The following MPP2 variants were observed in gnomAD, a reference collection of about 807,000 sequenced individuals.
MPP2 encodes the protein MAGUK p55 scaffold protein 2, also known as MAGUK p55 subfamily member 2.
MPP2 carries 42 observed loss-of-function variants against 58.5 expected under a neutral mutation model. The observed-to-expected ratio is 0.72, with a 90% confidence interval of 0.56 to 0.93. MPP2 has a LOEUF of 0.93. Among genes scored for constraint, MPP2 ranks in the 40% least tolerant of loss-of-function variants. MPP2 has a pLI of 0.00. For synonymous variants in MPP2, 300 were observed against 307.8 expected (o/e 0.97, Z 0.26); for missense variants, 632 against 760.4 (o/e 0.83, Z 1.99).
intron 1 of MPP2, among the ~76,000 whole-genome samples, chr17:43,904,986 G>A (rs1250293927): frequency 6.6e-6 from 1 of 151,900 alleles, no homozygotes; most frequent in African/African-American, 2.4e-5. Flanking sequence ...GACCCACCTG[G>A]GCAACATGGC....
chr17:43,880,986 G>A lies in MPP2; in HGVS notation c.988+104C>T. 1 of 1,525,024 alleles carries A rather than the reference G, an allele frequency of 6.6e-7. No individual in the cohort carries two copies. Among genetic ancestry groups the A allele is most frequent in the Non-Finnish European group, 9.0e-7 (1 of 1,108,058 alleles). The allele number at this position is 1,525,024 out of a possible 1,614,324, so 94.5% of individuals were successfully genotyped here. On this transcript the variant is annotated intron_variant, in intron 9 of 12. Coordinates refer to ENST00000269095, the MANE Select transcript of MPP2 (RefSeq NM_005374.5). This position sits in a 1 kb window ranked among gnomAD's most constrained non-coding sequence, Gnocchi z 5.2. The stretch of plus-strand genomic sequence containing the variant: ...TCGGGCAGGGCCTAGGGACACGGCT[G>A]GCAGCATCTGAGCCAGGCACACGTC...
chr17:43,896,096 C>G (rs1410242699), intron 3 of MPP2, among the ~76,000 whole-genome samples: 1 of 152,146 alleles, frequency 6.6e-6, no homozygotes, highest in East Asian at 1.9e-4. Flanking sequence ...CATAGCCAGC[C>G]TGTGACAGAG....
Position 43,899,662 on chromosome 17 carries a change from G to A in MPP2, c.32-1282C>T, listed in dbSNP as rs116285424. On this transcript the variant is annotated intron_variant, in intron 2 of 12. Transcript: ENST00000269095. ...GGAGCTAGGGAAACAGGCACTGGAGGCCTTGGTGTGACCCAAAGGCTGAGG... is the reference window on the plus strand; with the variant it reads ...GGAGCTAGGGAAACAGGCACTGGAGACCTTGGTGTGACCCAAAGGCTGAGG... Among the ~76,000 whole-genome samples, 1,439 of 152,246 alleles carry A rather than the reference G, an allele frequency of 9.5e-3. 27 individuals are homozygous for A. Among genetic ancestry groups the A allele is most frequent in the African/African-American group, 0.033 (1,351 of 41,544 alleles).
chr17:43,907,918 C>G (rs2048356419), upstream of MPP2: 1 of 985,284 alleles, frequency 1.0e-6, no homozygotes, highest in African/African-American at 1.7e-5. Flanking sequence ...TCCTCGTTAT[C>G]CTGCTTCCAT....
chr17:43,892,232 G>A (rs760339320), intron 3 of MPP2, among the ~76,000 whole-genome samples: 2 of 152,228 alleles, frequency 1.3e-5, no homozygotes, highest in Admixed American at 6.5e-5. Flanking sequence ...TCCCCAGACA[G>A]AGTCAAGCCC....
intron 3 of MPP2, among the ~76,000 whole-genome samples, chr17:43,885,073 G>A (rs1166019756): frequency 7.0e-6 from 1 of 142,510 alleles, no homozygotes; most frequent in African/African-American, 2.6e-5. Context: ...AATGAGCCGA[G>A]ATCATGCCAT....
At chr17:43,894,418 A>AATATATATATAT (rs1382579250) in intron 3 of MPP2, among the ~76,000 whole-genome samples, 31 of 77,374 alleles carry the variant, frequency 4.0e-4, no homozygotes, top group South Asian at 1.7e-3. Context: ...TCCATCTCAA[A>AATATATATATAT]ATATATATAT....
chr17:43,905,133 C>G (rs1005364598), intron 1 of MPP2, among the ~76,000 whole-genome samples: 2 of 151,628 alleles, frequency 1.3e-5, no homozygotes, highest in Non-Finnish European at 2.9e-5. Context: ...GCCATGATTG[C>G]GCCACTGCAC....
chr17:43,906,124 G>A, intron 1 of MPP2: 1 of 985,056 alleles, frequency 1.0e-6, no homozygotes, highest in Non-Finnish European at 1.2e-6. Context: ...CACAGGGTCA[G>A]AGAAGGGACT....
chr17:43,883,698 G>A (rs912666548), intron 3 of MPP2, among the ~76,000 whole-genome samples: 1 of 151,604 alleles, frequency 6.6e-6, no homozygotes, highest in Non-Finnish European at 1.5e-5. Context: ...TCTTCCACCA[G>A]ACATCATGGT....
chr17:43,893,732 G>C (rs1280074347), intron 3 of MPP2, among the ~76,000 whole-genome samples: 1 of 152,198 alleles, frequency 6.6e-6, no homozygotes, highest in Non-Finnish European at 1.5e-5. Flanking sequence ...GATGATCTGA[G>C]TGGAACAGTT....
chr17:43,898,527 G>A, intron 2 of MPP2, 147 bp from the exon 3 acceptor site: 1 of 90,522 alleles, frequency 1.1e-5, no homozygotes, highest in Non-Finnish European at 2.1e-5. Flanking sequence ...GCCCAGCACA[G>A]GCACCCCAGG....
chr17:43,885,798 G>A (rs2047341684), intron 3 of MPP2, among the ~76,000 whole-genome samples: 1 of 152,134 alleles, frequency 6.6e-6, no homozygotes, highest in South Asian at 2.1e-4. Context: ...TGGGTGATGG[G>A]TGCATCAAAA....
intron 3 of MPP2, among the ~76,000 whole-genome samples, chr17:43,886,128 A>C (rs1173620326): frequency 6.6e-6 from 1 of 151,936 alleles, no homozygotes; most frequent in Non-Finnish European, 1.5e-5. Flanking sequence ...AATTAAATAA[A>C]TATATTGCCC....
At position 43,901,483 on chromosome 17, in the gene MPP2, CTG is replaced by C. The variant is rs1447819898; in HGVS notation, c.31+2945_31+2946del. ...GCTCCGCTCCGGTGACCCCATTCCT[CTG>C]AGATCTTGTGCCCAAGAGGCCACCA... On this transcript the variant is annotated intron_variant, in intron 2 of 12. Coordinates refer to ENST00000269095, the MANE Select transcript of MPP2 (RefSeq NM_005374.5). 4 of 985,378 alleles carry C rather than the reference CTG, an allele frequency of 4.1e-6. No homozygotes were observed. In the African/African-American group the frequency reaches 7.0e-5, roughly 17 times the overall value. The allele number at this position is 985,378 out of a possible 1,614,324, so 61.0% of individuals were successfully genotyped here. A position where few individuals can be genotyped will look rare whatever the true frequency, so the allele number is the denominator to read the frequency against.
chr17:43,904,179 G>A (rs749079156), intron 2 of MPP2, among the ~76,000 whole-genome samples: 5 of 152,150 alleles, frequency 3.3e-5, no homozygotes, highest in Non-Finnish European at 5.9e-5. Context: ...GCCCTCCACG[G>A]AGGTGAGTTG....
chr17:43,901,203 C>T (rs1211650343), intron 2 of MPP2: 1 of 965,944 alleles, frequency 1.0e-6, no homozygotes. Context: ...CCCTACCCAC[C>T]CTTGGTCAGC....
intron 2 of MPP2, among the ~76,000 whole-genome samples, chr17:43,900,145 G>GA (rs371634642): frequency 2.0e-5 from 3 of 151,992 alleles, no homozygotes; most frequent in South Asian, 2.1e-4. Flanking sequence ...GCCTTCTCCA[G>GA]AAAAAAAAGT....
chr17:43,882,824 G>A, intron 5 of MPP2, 79 bp downstream of exon 5: 3 of 1,588,248 alleles, frequency 1.9e-6, no homozygotes, highest in South Asian at 1.1e-5. Context: ...ACCACACTTG[G>A]CCTTTTTTGT....
Sources: allele counts gnomAD v4.1 joint callset (sites outside exome capture counted in the v4.1 genomes callset), GRCh38; gene constraint gnomAD v4.1.1; non-coding constraint Gnocchi (gnomAD v3.1); transcripts MANE v1.5; gene names NCBI Gene and HGNC (gene_info 2026-07-23, HGNC 2026-07-21).